The following NXPH1 variants were observed in gnomAD, a reference collection of about 807,000 sequenced individuals.
NXPH1 encodes the protein neurexophilin 1, also known as neurexophilin-1.
NXPH1 carries 5 observed loss-of-function variants against 23.7 expected under a neutral mutation model. That is an observed-to-expected ratio of 0.21 (90% CI 0.11 to 0.44). The LOEUF is 0.44. Among genes scored for constraint, NXPH1 ranks in the 20% least tolerant of loss-of-function variants. NXPH1 has a pLI of 0.99. For synonymous variants in NXPH1, 144 were observed against 122.2 expected (o/e 1.18, Z -1.18); for missense variants, 324 against 321.6 (o/e 1.01, Z -0.06).
At chr7:8,588,423 A>C (rs1404247042) in intron 2 of NXPH1, among the ~76,000 whole-genome samples, 1 of 151,890 alleles carries the variant, frequency 6.6e-6, no homozygotes, top group Non-Finnish European at 1.5e-5. Context: ...GATATAAATC[A>C]GGAAAGACAG....
intron 2 of NXPH1, among the ~76,000 whole-genome samples, chr7:8,722,065 T>G (rs889852921): frequency 3.3e-5 from 5 of 152,162 alleles, no homozygotes; most frequent in Non-Finnish European, 7.3e-5. Context: ...TACCAGGACC[T>G]TTATTCATTA....
Position 8,718,063 on chromosome 7 carries a change from A to T in NXPH1, c.55-32945A>T, listed in dbSNP as rs902904347. On this transcript the variant is annotated intron_variant, in intron 2 of 2. Transcript: ENST00000405863. ...TGTATTTCTGGTACAATACTTCTTTAGTTGCTTATAATATTCCTTATGATG... is the reference window on the plus strand; with the variant it reads ...TGTATTTCTGGTACAATACTTCTTTTGTTGCTTATAATATTCCTTATGATG... Among the ~76,000 whole-genome samples, 7 of 152,164 alleles carry T rather than the reference A, an allele frequency of 4.6e-5. No individual in the cohort carries two copies. The East Asian group carries it at 7.7e-4, about 17-fold the overall frequency.
intron 2 of NXPH1, among the ~76,000 whole-genome samples, chr7:8,651,082 A>G (rs1302784168): frequency 1.3e-5 from 2 of 150,166 alleles, no homozygotes; most frequent in African/African-American, 4.9e-5. Flanking sequence ...CTAACTCGTC[A>G]TCTAGCATTA....
In NXPH1 at chr7:8,747,400, C is replaced by G. The variant is rs1314090430; in HGVS notation, c.55-3608C>G. Reference sequence around the variant, plus strand: ...CTTGAAACCATATTCACTACTTCCACAAGTTTTACTTTCATTTCCCCCTAT... The same window carrying G: ...CTTGAAACCATATTCACTACTTCCAGAAGTTTTACTTTCATTTCCCCCTAT... On this transcript the variant is annotated intron_variant, in intron 2 of 2. Transcript: ENST00000405863. Among the ~76,000 whole-genome samples, 3 of 152,320 alleles carry G rather than the reference C, an allele frequency of 2.0e-5. 1 individual carries two copies. The highest frequency in any genetic ancestry group is 6.8e-3 in the Middle Eastern group (2 of 294).
At chr7:8,650,168 G>A (rs12702756) in intron 2 of NXPH1, among the ~76,000 whole-genome samples, 98,953 of 151,998 alleles carry the variant, frequency 0.65, 32,670 homozygotes, top group East Asian at 0.83. Context: ...CTGATCCAGC[G>A]TCTTTTGTTC....
intron 2 of NXPH1, among the ~76,000 whole-genome samples, chr7:8,560,609 G>C (rs559575243): frequency 6.6e-6 from 1 of 151,780 alleles, no homozygotes; most frequent in South Asian, 2.1e-4. Flanking sequence ...GAAAATCAAG[G>C]AAGGGGGAGA....
chr7:8,678,337 A>G (rs1820986421), intron 2 of NXPH1, among the ~76,000 whole-genome samples: 1 of 152,158 alleles, frequency 6.6e-6, no homozygotes, highest in African/African-American at 2.4e-5. Context: ...CTTTCCCTTG[A>G]GTAGATATAT....
chr7:8,529,002 T>G (rs866328353), intron 2 of NXPH1, among the ~76,000 whole-genome samples: 2 of 152,346 alleles, frequency 1.3e-5, no homozygotes, highest in Middle Eastern at 6.8e-3. Context: ...AGTGTCCTCT[T>G]CCAAGTTCAC....
chr7:8,449,115 G>T (rs1816459300), intron 2 of NXPH1, among the ~76,000 whole-genome samples: 1 of 152,116 alleles, frequency 6.6e-6, no homozygotes, highest in South Asian at 2.1e-4. Flanking sequence ...AAAGTCCAGG[G>T]GCCTTTGGCC....
intron 2 of NXPH1, among the ~76,000 whole-genome samples, chr7:8,717,337 T>A (rs1283861344): frequency 1.3e-5 from 2 of 152,192 alleles, no homozygotes; most frequent in African/African-American, 4.8e-5. Context: ...GGATTTATTA[T>A]GTATGTTTCC....
In NXPH1 at chr7:8,578,385, A is replaced by G. The variant is rs1818794434; in HGVS notation, c.54+142618A>G. 2.0e-5 allele frequency among the ~76,000 whole-genome samples: 3 copies of G among 152,320 alleles called. No individual in the cohort carries two copies. The South Asian group carries it at 6.2e-4, about 32-fold the overall frequency. On this transcript the variant is annotated intron_variant, in intron 2 of 2. Coordinates refer to ENST00000405863, the MANE Select transcript of NXPH1 (RefSeq NM_152745.3). ...TAAGTCAGGGACTGTCTATATTCAC[A>G]TCTCAGCCATGTCCCAAACAATAAT...
chr7:8,448,110 C>T (rs1816437092), intron 2 of NXPH1, among the ~76,000 whole-genome samples: 1 of 152,204 alleles, frequency 6.6e-6, no homozygotes, highest in African/African-American at 2.4e-5. Context: ...AAGGTAATGG[C>T]AAAGTATTTC....
In NXPH1 at chr7:8,535,461, C is replaced by T. The variant is rs149237783; in HGVS notation, c.54+99694C>T. On this transcript the variant is annotated intron_variant, in intron 2 of 2. Transcript: ENST00000405863. ...AATTAGATGACCTGGATTCCTATCA[C>T]GTGAGACTGATAATGGATATGTGCT... Among the ~76,000 whole-genome samples the T allele has an allele frequency of 2.8e-3, 429 of 151,938 alleles. 4 individuals are homozygous for T. The highest frequency in any genetic ancestry group is 9.9e-3 in the African/African-American group (412 of 41,444).
At chr7:8,579,615 G>A (rs1042938147) in intron 2 of NXPH1, among the ~76,000 whole-genome samples, 2 of 152,084 alleles carry the variant, frequency 1.3e-5, no homozygotes, top group East Asian at 1.9e-4. Flanking sequence ...CAGATGATCC[G>A]CCCACCTCAG....
chr7:8,673,135 C>A (rs2349773), intron 2 of NXPH1, among the ~76,000 whole-genome samples: 111,066 of 152,034 alleles, frequency 0.73, 40,996 homozygotes, highest in East Asian at 1. Flanking sequence ...TTCATATGGC[C>A]TGTCAAAATA....
chr7:8,548,514 G>A (rs1247282581), intron 2 of NXPH1, among the ~76,000 whole-genome samples: 1 of 151,496 alleles, frequency 6.6e-6, no homozygotes, highest in African/African-American at 2.4e-5. Context: ...ATAAATGCTG[G>A]GTAATAGAGA....
chr7:8,452,279 A>G (rs1816519773), intron 2 of NXPH1, among the ~76,000 whole-genome samples: 1 of 152,196 alleles, frequency 6.6e-6, no homozygotes, highest in Non-Finnish European at 1.5e-5. Flanking sequence ...CAAGTTTTCT[A>G]TGCTGACAAA....
intron 2 of NXPH1, among the ~76,000 whole-genome samples, chr7:8,598,334 G>A (rs1286810931): frequency 6.6e-6 from 1 of 152,114 alleles, no homozygotes; most frequent in Non-Finnish European, 1.5e-5. Context: ...TCTCAATTAT[G>A]AGATCCAAAA....
At chr7:8,635,323 A>G (rs768127654) in intron 2 of NXPH1, among the ~76,000 whole-genome samples, 2 of 152,210 alleles carry the variant, frequency 1.3e-5, no homozygotes, top group Non-Finnish European at 2.9e-5. Context: ...AAAATCTCAC[A>G]TCACATTCTA....
Sources: gnomAD v4.1 joint callset for allele counts (sites outside exome capture counted in the v4.1 genomes callset) on GRCh38, gnomAD v4.1.1 for gene constraint, MANE v1.5 for transcripts, NCBI Gene and HGNC (gene_info 2026-07-23, HGNC 2026-07-21) for gene names.